Variants in PKNOX2 observed in about 807,000 individuals in gnomAD.
The protein encoded by PKNOX2 is PBX/knotted 1 homeobox 2, also known as homeobox protein PKNOX2.
In PKNOX2, 14 loss-of-function variants were observed where a neutral mutation model predicts 53.1. The observed-to-expected ratio is 0.26, with a 90% CI of 0.17 to 0.41. The LOEUF (loss-of-function observed/expected upper bound fraction) is 0.41. Ranked by LOEUF, PKNOX2 falls within the 10% of genes least tolerant of loss-of-function variation. The pLI is 1.00. For missense variants in PKNOX2, 496 were observed against 602.8 expected (o/e 0.82, Z 1.85); for synonymous variants, 257 against 242.8 (o/e 1.06, Z -0.54).
chr11:125,408,171 A>G (rs1446844167), intron 7 of PKNOX2, among the ~76,000 whole-genome samples: 3 of 152,146 alleles, frequency 2.0e-5, no homozygotes, highest in Non-Finnish European at 4.4e-5. Flanking sequence ...TGGCCTTGGG[A>G]AGTCCCAGGC....
At chr11:125,175,252 GAAGGAAGGAA>G (rs1955630647) in intron 1 of PKNOX2, among the ~76,000 whole-genome samples, 1 of 79,966 alleles carries the variant, frequency 1.3e-5, no homozygotes, top group Non-Finnish European at 2.9e-5. Flanking sequence ...AGGAAGGAAA[GAAGGAAGGAA>G]GGAGGGAGAG....
At chr11:125,371,760 T>C (rs991085846) in intron 5 of PKNOX2, among the ~76,000 whole-genome samples, 2 of 152,082 alleles carry the variant, frequency 1.3e-5, no homozygotes, top group South Asian at 4.2e-4. Flanking sequence ...CTAAAGTTGT[T>C]GCCCATTACT....
chr11:125,174,518 T>A (rs1033652022), intron 1 of PKNOX2, among the ~76,000 whole-genome samples: 2 of 152,218 alleles, frequency 1.3e-5, no homozygotes, highest in African/African-American at 2.4e-5. Flanking sequence ...CTCCTACGAC[T>A]GTCTGGGCTG....
At chr11:125,310,366 A>T (rs1948727593) in intron 2 of PKNOX2, among the ~76,000 whole-genome samples, 1 of 152,066 alleles carries the variant, frequency 6.6e-6, no homozygotes, top group East Asian at 1.9e-4. Context: ...ATGGTGGCGC[A>T]TGCCTGTAAT....
chr11:125,288,067 G>C (rs1297467034), intron 2 of PKNOX2: 1 of 152,236 alleles, frequency 6.6e-6, no homozygotes, highest in East Asian at 1.9e-4. Context: ...GGCCTCCACC[G>C]GAGAAATGCT....
intron 1 of PKNOX2, among the ~76,000 whole-genome samples, chr11:125,186,441 C>G (rs1289909470): frequency 1.3e-5 from 2 of 152,104 alleles, no homozygotes; most frequent in Non-Finnish European, 2.9e-5. Flanking sequence ...CACTTGAGCC[C>G]AGGAGTTTGA....
chr11:125,341,227 A>C (rs1468547756), intron 3 of PKNOX2, among the ~76,000 whole-genome samples: 1 of 148,456 alleles, frequency 6.7e-6, no homozygotes, highest in African/African-American at 2.5e-5. Context: ...GTGGTGGTGC[A>C]CGCCTGTAGT....
intron 2 of PKNOX2, among the ~76,000 whole-genome samples, chr11:125,309,331 C>T (rs575717586): frequency 1.3e-5 from 2 of 151,484 alleles, no homozygotes; most frequent in East Asian, 3.9e-4. Context: ...ACATGACATG[C>T]TTTCAAATTC....
At chr11:125,278,779 A>C (rs1030832043) in intron 2 of PKNOX2, among the ~76,000 whole-genome samples, 3 of 152,222 alleles carry the variant, frequency 2.0e-5, no homozygotes, top group Non-Finnish European at 4.4e-5. Flanking sequence ...AGGCATTTAG[A>C]TATCCCTCGC....
At chr11:125,198,756 T>C (rs1001412970) in intron 1 of PKNOX2, among the ~76,000 whole-genome samples, 1 of 152,042 alleles carries the variant, frequency 6.6e-6, no homozygotes, top group South Asian at 2.1e-4. Flanking sequence ...GATTTTTTGT[T>C]CTTTTGCAGA....
At chr11:125,305,600 C>T (rs1948387170) in intron 2 of PKNOX2, among the ~76,000 whole-genome samples, 3 of 152,200 alleles carry the variant, frequency 2.0e-5, no homozygotes, top group Non-Finnish European at 2.9e-5. Flanking sequence ...CCCACTCCAG[C>T]TCACATTTTA....
At chr11:125,320,528 C>T (rs937782584) in intron 2 of PKNOX2, among the ~76,000 whole-genome samples, 2 of 152,104 alleles carry the variant, frequency 1.3e-5, no homozygotes, top group Non-Finnish European at 2.9e-5. Flanking sequence ...AATGCCCTGT[C>T]AAGCTAGGCA....
chr11:125,340,603 C>A lies in PKNOX2; in HGVS notation c.-23+8678C>A, dbSNP rs190875105. ...TAGTGTCATGCCTGGGGCACAGGGACGGCTCAGTAAGTGGCAGTTGTTATT... is the reference window on the plus strand; with the variant it reads ...TAGTGTCATGCCTGGGGCACAGGGAAGGCTCAGTAAGTGGCAGTTGTTATT... On this transcript the variant is annotated intron_variant, in intron 3 of 12. Transcript: ENST00000298282. Among the ~76,000 whole-genome samples the A allele has an allele frequency of 2.0e-5, 3 of 152,190 alleles. No homozygotes were observed. In the South Asian group the frequency reaches 6.2e-4, roughly 31 times the overall value.
rs922242564 is a variant in PKNOX2, at chr11:125,217,073, A to T, written c.-200-17972A>T. Among the ~76,000 whole-genome samples, 5 of 151,782 alleles carry T rather than the reference A, an allele frequency of 3.3e-5. No individual in the cohort carries two copies. In the East Asian group the frequency reaches 9.7e-4, roughly 29 times the overall value. ...CACACACACAAAGTCACACCCAGTC[A>T]TACACACAGAGTCACACTCACACAC... On this transcript the variant is annotated intron_variant, in intron 1 of 12. Coordinates refer to ENST00000298282, the MANE Select transcript of PKNOX2 (RefSeq NM_001382323.2).
chr11:125,325,135 C>A (rs1022149468), intron 2 of PKNOX2, among the ~76,000 whole-genome samples: 2 of 152,176 alleles, frequency 1.3e-5, no homozygotes, highest in African/African-American at 4.8e-5. Context: ...ATGATGCATT[C>A]CCAATTACCA....
intron 5 of PKNOX2, among the ~76,000 whole-genome samples, chr11:125,368,237 G>A (rs1035344240): frequency 2.0e-4 from 30 of 152,318 alleles, no homozygotes; most frequent in African/African-American, 6.5e-4. Flanking sequence ...CCAGGGAGAT[G>A]ACCCCTAATG....
At chr11:125,193,318 C>G (rs1459159584) in intron 1 of PKNOX2, among the ~76,000 whole-genome samples, 3 of 152,204 alleles carry the variant, frequency 2.0e-5, no homozygotes, top group African/African-American at 7.2e-5. Context: ...AAAGCCCCCT[C>G]TCTACCGAGG....
chr11:125,269,699 A>G (rs1275464551), intron 2 of PKNOX2, among the ~76,000 whole-genome samples: 1 of 152,216 alleles, frequency 6.6e-6, no homozygotes, highest in African/African-American at 2.4e-5. Context: ...ACTCACTTCT[A>G]TCTTCAATAG....
intron 1 of PKNOX2, among the ~76,000 whole-genome samples, chr11:125,232,286 T>C (rs1475324040): frequency 6.6e-6 from 1 of 152,228 alleles, no homozygotes; most frequent in Non-Finnish European, 1.5e-5. Flanking sequence ...TTTTCTACCA[T>C]ATCTTCTGCC....
Sources: allele counts gnomAD v4.1 joint callset (sites outside exome capture counted in the v4.1 genomes callset), GRCh38; gene constraint gnomAD v4.1.1; transcripts MANE v1.5; gene names NCBI Gene and HGNC (gene_info 2026-07-23, HGNC 2026-07-21).